CPD: variants seen among roughly 807,000 people sequenced by gnomAD.
The protein encoded by CPD is carboxypeptidase D.
A neutral mutation model predicts 138.3 loss-of-function variants in CPD; 69 were observed. That is an observed-to-expected ratio of 0.50 (90% CI 0.41 to 0.61). The LOEUF (loss-of-function observed/expected upper bound fraction) is 0.61, where lower values mean the gene tolerates loss of function less well. Ranked by LOEUF, CPD falls within the 20% of genes least tolerant of loss-of-function variation. CPD has a pLI of 0.00. For synonymous variants in CPD, 651 were observed against 642.1 expected (o/e 1.01, Z -0.21); for missense variants, 1,432 against 1,733.3 (o/e 0.83, Z 3.09).
At chr17:30,409,175 G>T (rs1184853553) in intron 2 of CPD, among the ~76,000 whole-genome samples, 1 of 152,126 alleles carries the variant, frequency 6.6e-6, no homozygotes, top group African/African-American at 2.4e-5. Context: ...ATTTGCATAT[G>T]TTGAAACAGC....
chr17:30,392,834 A>G (rs958890798), intron 2 of CPD, among the ~76,000 whole-genome samples: 2 of 152,202 alleles, frequency 1.3e-5, no homozygotes, highest in Non-Finnish European at 2.9e-5. Context: ...CAGATGTTCT[A>G]CTTTTAGATT....
At chr17:30,397,737 C>CAAAA (rs71138885) in intron 2 of CPD, among the ~76,000 whole-genome samples, 57 of 31,616 alleles carry the variant, frequency 1.8e-3, no homozygotes, top group African/African-American at 2.5e-3. Flanking sequence ...ACTCCTGTCT[C>CAAAA]AAAAAAAAAA....
intron 2 of CPD, among the ~76,000 whole-genome samples, chr17:30,391,120 G>A (rs182761162): frequency 0.013 from 1,840 of 142,170 alleles, 33 homozygotes; most frequent in African/African-American, 0.046. Flanking sequence ...CTGAGCTACC[G>A]TGCCTGGCCG....
chr17:30,416,167 T>TA (rs1380701471), intron 2 of CPD, among the ~76,000 whole-genome samples: 7 of 151,760 alleles, frequency 4.6e-5, no homozygotes, highest in Non-Finnish European at 8.8e-5. Context: ...CTGTCTCTAC[T>TA]AAAAAAAATA....
At position 30,379,497 on chromosome 17, in the gene CPD, A is replaced by G. The variant is rs771953389; in HGVS notation, c.517A>G (p.Thr173Ala). 9 of 1,569,796 alleles carry G rather than the reference A, an allele frequency of 5.7e-6. No homozygotes were observed. The highest frequency in any genetic ancestry group is 6.0e-6 in the Non-Finnish European group (7 of 1,162,458). ...GDPRLVRLLNTTDVYLLPSLN... is the reference protein window; with the variant it reads ...GDPRLVRLLNATDVYLLPSLN... Reference sequence around the variant, plus strand: ...CCCGCGCCTGGTCCGCCTGCTCAACACCACCGACGTGTACCTGCTGCCCAG... The same window carrying G: ...CCCGCGCCTGGTCCGCCTGCTCAACGCCACCGACGTGTACCTGCTGCCCAG... Residue 173 changes from threonine (T) to alanine (A), a missense_variant, in exon 1 of 21, where the codon ACC (threonine) becomes GCC (alanine). Coordinates refer to ENST00000225719, the MANE Select transcript of CPD (RefSeq NM_001304.5). The surrounding 1 kb of genome is among the most constrained non-coding windows in gnomAD (Gnocchi z 7.0).
rs35583610 is a variant in CPD, at chr17:30,413,234, C to T, written c.995-7607C>T. On this transcript the variant is annotated intron_variant, in intron 2 of 20. Coordinates refer to ENST00000225719, the MANE Select transcript of CPD (RefSeq NM_001304.5). Reference sequence around the variant, plus strand: ...ATGACAATGAATGCACGTGTGTTTACGTGTATATGTACAAGTTAAAGTTAC... The same window carrying T: ...ATGACAATGAATGCACGTGTGTTTATGTGTATATGTACAAGTTAAAGTTAC... Among the ~76,000 whole-genome samples the T allele has an allele frequency of 6.5e-3, 984 of 152,268 alleles. 7 individuals are homozygous for T. Among genetic ancestry groups the T allele is most frequent in the Middle Eastern group, 0.01 (3 of 294 alleles).
chr17:30,383,280 C>T (rs574022250), intron 1 of CPD, among the ~76,000 whole-genome samples: 220 of 152,218 alleles, frequency 1.4e-3, no homozygotes, highest in African/African-American at 5.1e-3. Context: ...AGTCTTTATG[C>T]CAGATTATGT....
At chr17:30,462,498 A>C in intron 20 of CPD, 29 bp downstream of exon 20, 1 of 1,534,352 alleles carries the variant, frequency 6.5e-7, no homozygotes, top group Non-Finnish European at 9.0e-7. Flanking sequence ...TTAGTAGTAA[A>C]AGTTAAAAAC....
chr17:30,399,480 T>C (rs933093723), intron 2 of CPD, among the ~76,000 whole-genome samples: 25 of 152,220 alleles, frequency 1.6e-4, no homozygotes, highest in African/African-American at 6.0e-4. Context: ...GTTTTATATA[T>C]TTCAAAATTC....
At chr17:30,463,405 C>G (rs930179380) in intron 20 of CPD, among the ~76,000 whole-genome samples, 1 of 152,178 alleles carries the variant, frequency 6.6e-6, no homozygotes, top group Non-Finnish European at 1.5e-5. Context: ...CGCAGTGGGT[C>G]TTAATGAAGA....
intron 9 of CPD, among the ~76,000 whole-genome samples, chr17:30,441,835 G>A (rs553664488): frequency 6.7e-6 from 1 of 148,410 alleles, no homozygotes; most frequent in East Asian, 2.0e-4. Context: ...GAGGATTTTT[G>A]CATCAATGTT....
At chr17:30,416,498 G>A (rs1172939802) in intron 2 of CPD, among the ~76,000 whole-genome samples, 2 of 152,154 alleles carry the variant, frequency 1.3e-5, no homozygotes, top group Non-Finnish European at 2.9e-5. Context: ...ACTGCACTTA[G>A]AATAAAATCC....
chr17:30,428,524 T>C (rs1264363170), intron 7 of CPD, among the ~76,000 whole-genome samples: 1 of 152,228 alleles, frequency 6.6e-6, no homozygotes, highest in East Asian at 1.9e-4. Flanking sequence ...AATCAAGTGC[T>C]GATACATGCT....
intron 2 of CPD, among the ~76,000 whole-genome samples, chr17:30,402,045 T>C (rs1911687892): frequency 6.6e-6 from 1 of 151,210 alleles, no homozygotes; most frequent in South Asian, 2.1e-4. Flanking sequence ...TTTTTTCTTC[T>C]TTTTTTTCAG....
At chr17:30,454,093 C>T (rs1567883475) in intron 14 of CPD, 1 of 152,216 alleles carries the variant, frequency 6.6e-6, no homozygotes, top group Non-Finnish European at 1.5e-5. Flanking sequence ...TCCCCATGGT[C>T]TTGGGGATTA....
At chr17:30,427,658 A>C (rs531324929) in intron 7 of CPD, 100 bp downstream of exon 7, 235 of 1,068,538 alleles carry the variant, frequency 2.2e-4, no homozygotes, top group Non-Finnish European at 3.0e-4. Context: ...TCTTAAAATG[A>C]GTATCCTGTT....
chr17:30,409,298 G>A (rs1911894205), intron 2 of CPD, among the ~76,000 whole-genome samples: 1 of 152,148 alleles, frequency 6.6e-6, no homozygotes, highest in Non-Finnish European at 1.5e-5. Flanking sequence ...CATTCATCAG[G>A]GATATTGGTC....
At chr17:30,397,737 CAAA>C (rs71138885) in intron 2 of CPD, among the ~76,000 whole-genome samples, 2 of 31,846 alleles carry the variant, frequency 6.3e-5, no homozygotes, top group African/African-American at 1.0e-4. Context: ...ACTCCTGTCT[CAAA>C]AAAAAAAAAA....
Position 30,379,870 on chromosome 17 carries a change from G to A in CPD, c.746+144G>A, listed in dbSNP as rs1006545791. On this transcript the variant is annotated intron_variant, in intron 1 of 20. Coordinates refer to ENST00000225719, the MANE Select transcript of CPD (RefSeq NM_001304.5). This position sits in a 1 kb window ranked among gnomAD's most constrained non-coding sequence, Gnocchi z 7.0. ...GGAGACACCCTGTAACGGGGACAGG[G>A]CCCAGGCCGCGTAGCCTCCCGTCCT... The A allele has an allele frequency of 1.5e-5, 8 of 538,376 alleles. No individual in the cohort carries two copies. The highest frequency in any genetic ancestry group is 3.0e-4 in the Middle Eastern group (1 of 3,388). The allele number at this position is 538,376 out of a possible 1,614,324, so 33.3% of individuals were successfully genotyped here.
Sources: allele counts gnomAD v4.1 joint callset (sites outside exome capture counted in the v4.1 genomes callset), GRCh38; gene constraint gnomAD v4.1.1; non-coding constraint Gnocchi (gnomAD v3.1); transcripts MANE v1.5; gene names NCBI Gene and HGNC (gene_info 2026-07-23, HGNC 2026-07-21).